The following TUFT1 variants were observed in gnomAD, a reference collection of about 807,000 sequenced individuals.
The protein encoded by TUFT1 is tuftelin.
A neutral mutation model predicts 57.8 loss-of-function variants in TUFT1; 43 were observed. That is an observed-to-expected ratio of 0.74 (90% CI 0.58 to 0.96). The LOEUF is 0.96. TUFT1 is among the 40% of genes least tolerant of loss of function. The probability of loss-of-function intolerance (pLI) is 0.00; values close to 1 mark genes in which losing one functional copy is unlikely to be tolerated. For missense variants in TUFT1, 459 were observed against 489.0 expected, an observed-to-expected ratio of 0.94 and a Z score of 0.58; for synonymous variants, 166 against 176.7, an observed-to-expected ratio of 0.94 and a Z score of 0.48.
At position 151,572,754 on chromosome 1, in the gene TUFT1, A is replaced by C. The variant is rs1469131460; in HGVS notation, c.595-1516A>C. ...TTGCTGTCAAGAAGGATTTGCAGTGAGAGTGAGTTTGCTCTGGACATGGCT... is the reference window on the plus strand; with the variant it reads ...TTGCTGTCAAGAAGGATTTGCAGTGCGAGTGAGTTTGCTCTGGACATGGCT... On this transcript the variant is annotated intron_variant, in intron 7 of 12. Transcript: ENST00000368849. 2.0e-5 allele frequency among the ~76,000 whole-genome samples: 3 copies of C among 152,192 alleles called. No homozygotes were observed. In the East Asian group the frequency reaches 5.8e-4, roughly 29 times the overall value.
chr1:151,557,824 A>G (rs1306310530), intron 1 of TUFT1: 16 of 752,820 alleles, frequency 2.1e-5, no homozygotes, highest in Non-Finnish European at 3.9e-5. Context: ...GATAACCTAC[A>G]GACGGAGTGC....
Position 151,564,512 on chromosome 1 carries a change from C to T in TUFT1, c.325-13C>T, listed in dbSNP as rs770341955. On this transcript the variant is annotated splice_polypyrimidine_tract_variant and intron_variant, in intron 4 of 12. Coordinates refer to ENST00000368849, the MANE Select transcript of TUFT1 (RefSeq NM_020127.3). ...CTACCCTAAAGCTCAAGTTTCTTCC[C>T]CTCCCCTCCCAGGCCAGGAACTGCC... 1 of 1,609,696 alleles carries T rather than the reference C, an allele frequency of 6.2e-7. No homozygotes were observed. The highest frequency in any genetic ancestry group is 8.5e-7 in the Non-Finnish European group (1 of 1,176,394).
Position 151,563,889 on chromosome 1 carries a change from G to T in TUFT1, c.238-15G>T. The T allele has an allele frequency of 6.2e-7, 1 of 1,608,754 alleles. No individual in the cohort carries two copies. The highest frequency in any genetic ancestry group is 1.3e-5 in the African/African-American group (1 of 74,884). On this transcript the variant is annotated splice_polypyrimidine_tract_variant and intron_variant, in intron 3 of 12. Coordinates refer to ENST00000368849, the MANE Select transcript of TUFT1 (RefSeq NM_020127.3). ...TAATTTGAGGTTTCTTAACTAAATG[G>T]TGTTCTTATTTCAGGTGTACTTGAA...
chr1:151,561,221 A>G (rs933938343), intron 1 of TUFT1, among the ~76,000 whole-genome samples: 1 of 151,958 alleles, frequency 6.6e-6, no homozygotes, highest in Non-Finnish European at 1.5e-5. Context: ...GATGGTCTCG[A>G]TCTCCTGACC....
chr1:151,545,508 A>G (rs781095100), intron 1 of TUFT1, among the ~76,000 whole-genome samples: 14 of 152,226 alleles, frequency 9.2e-5, no homozygotes, highest in Non-Finnish European at 1.5e-4. Flanking sequence ...GATAATACAC[A>G]TAAAATATGA....
intron 1 of TUFT1, among the ~76,000 whole-genome samples, chr1:151,559,417 T>C (rs1230211722): frequency 6.6e-6 from 1 of 152,078 alleles, no homozygotes; most frequent in Non-Finnish European, 1.5e-5. Context: ...AGATGAGGCA[T>C]TTGAACATGA....
chr1:151,548,056 T>C (rs1252782800), intron 1 of TUFT1, among the ~76,000 whole-genome samples: 1 of 152,218 alleles, frequency 6.6e-6, no homozygotes, highest in Non-Finnish European at 1.5e-5. Flanking sequence ...GGAGTGATTC[T>C]TTGTGTCATA....
Position 151,540,334 on chromosome 1 carries a change from C to T in TUFT1, c.-33C>T, listed in dbSNP as rs762023996. ...AGTTGGAGCCAGACAGCGGGGTGGA[C>T]AAGTGGCGTGTGTGCTGCGACCCCG... On this transcript the variant is annotated 5_prime_UTR_variant, in exon 1 of 13. Transcript: ENST00000368849. The T allele has an allele frequency of 2.5e-5, 40 of 1,613,682 alleles. No homozygotes were observed. The highest frequency in any genetic ancestry group is 3.3e-5 in the Non-Finnish European group (39 of 1,179,818).
At chr1:151,546,007 T>TTTC (rs1305596633) in intron 1 of TUFT1, 163 of 273,426 alleles carry the variant, frequency 6.0e-4, no homozygotes, top group South Asian at 9.7e-4. Context: ...TTTTTTCTTT[T>TTTC]TTTTTTTTTT....
intron 8 of TUFT1, 54 bp from the exon 9 acceptor site, chr1:151,574,857 C>T (rs1558014494): frequency 6.1e-6 from 9 of 1,476,172 alleles, no homozygotes; most frequent in East Asian, 4.9e-5. Flanking sequence ...TTAGCCCAAA[C>T]GCAGAAACTG....
chr1:151,570,013 G>C (rs1180435174), intron 7 of TUFT1, among the ~76,000 whole-genome samples: 2 of 152,230 alleles, frequency 1.3e-5, no homozygotes, highest in Non-Finnish European at 2.9e-5. Context: ...ATGAGTTTGA[G>C]GGTGGTGCCC....
At chr1:151,543,832 C>G (rs1337098605) in intron 1 of TUFT1, among the ~76,000 whole-genome samples, 5 of 152,226 alleles carry the variant, frequency 3.3e-5, no homozygotes, top group Middle Eastern at 3.4e-3. Context: ...GAAGGAGATT[C>G]TCCAAAGACC....
chr1:151,548,188 C>T (rs1258447808), intron 1 of TUFT1, among the ~76,000 whole-genome samples: 1 of 152,228 alleles, frequency 6.6e-6, no homozygotes, highest in Non-Finnish European at 1.5e-5. Context: ...GGTAGGTACC[C>T]ACCTATCCCA....
At position 151,566,294 on chromosome 1, in the gene TUFT1, T is replaced by C; in HGVS notation, c.480+66T>C. 14 of 1,304,734 alleles carry C rather than the reference T, an allele frequency of 1.1e-5. No individual in the cohort carries two copies. The Admixed American group carries it at 1.7e-4, about 16-fold the overall frequency. The allele number at this position is 1,304,734 out of a possible 1,614,324, so 80.8% of individuals were successfully genotyped here. On this transcript the variant is annotated intron_variant, in intron 6 of 12. Transcript: ENST00000368849. ...GGGCAGGATTGCCTCCTCCCCATCC[T>C]TTTGTTTATTGCTTTCTCTCTCTCT...
At chr1:151,578,560 T>C (rs1666551391) in intron 9 of TUFT1, among the ~76,000 whole-genome samples, 161 bp from the exon 10 acceptor site, 1 of 152,138 alleles carries the variant, frequency 6.6e-6, no homozygotes, top group Admixed American at 6.5e-5. Context: ...TCCAATGTGA[T>C]ATTCTAAGGT....
intron 1 of TUFT1, among the ~76,000 whole-genome samples, chr1:151,554,071 A>G (rs1430356783): frequency 6.6e-6 from 1 of 152,186 alleles, no homozygotes; most frequent in African/African-American, 2.4e-5. Context: ...AATAATTTTA[A>G]ATTTACAGAA....
rs190119880 is a variant in TUFT1 at position 151,558,274 on chromosome 1, G to T, written c.61-3817G>T. Among the ~76,000 whole-genome samples, 27 of 151,786 alleles carry T rather than the reference G, an allele frequency of 1.8e-4. No homozygotes were observed. The East Asian group carries it at 5.0e-3, about 28-fold the overall frequency. ...TTCCTTTGTCAATTCTGAATTGACC[G>T]TTCTTCTCTTTCAGCATTTGAAAAA... On this transcript the variant is annotated intron_variant, in intron 1 of 12. Transcript: ENST00000368849.
chr1:151,551,692 C>T (rs563222500), intron 1 of TUFT1, among the ~76,000 whole-genome samples: 1 of 152,160 alleles, frequency 6.6e-6, no homozygotes, highest in Non-Finnish European at 1.5e-5. Flanking sequence ...CTTTGGATGC[C>T]TTCTACAATT....
At chr1:151,576,299 A>G (rs1666461075) in intron 9 of TUFT1, among the ~76,000 whole-genome samples, 2 of 152,128 alleles carry the variant, frequency 1.3e-5, no homozygotes, top group Non-Finnish European at 2.9e-5. Flanking sequence ...GCCTGACTAG[A>G]AGAAGACTGT....
Sources: gnomAD v4.1 joint callset for allele counts (sites outside exome capture counted in the v4.1 genomes callset) on GRCh38, gnomAD v4.1.1 for gene constraint, MANE v1.5 for transcripts, NCBI Gene and HGNC (gene_info 2026-07-23, HGNC 2026-07-21) for gene names.